Variants in FHIT observed in about 807,000 individuals in gnomAD.
The protein encoded by FHIT is bis(5'-adenosyl)-triphosphatase.
FHIT carries 19 observed loss-of-function variants against 17.9 expected under a neutral mutation model. The ratio of observed to expected loss-of-function variants is 1.06; its 90% CI spans 0.74 to 1.56. The LOEUF is 1.56. FHIT is among the 40% of genes most tolerant of loss of function. The pLI is 0.00. For missense variants in FHIT, 248 were observed against 189.2 expected, an observed-to-expected ratio of 1.31 and a Z score of -1.82; for synonymous variants, 81 against 69.7, an observed-to-expected ratio of 1.16 and a Z score of -0.81.
At chr3:60,194,280 C>T (rs1050142892) in intron 5 of FHIT, among the ~76,000 whole-genome samples, 7 of 152,076 alleles carry the variant, frequency 4.6e-5, no homozygotes, top group Non-Finnish European at 1.0e-4. Context: ...AGAAATAAAG[C>T]TAAATACTTA....
At chr3:60,106,577 C>T (rs1355871794) in intron 5 of FHIT, among the ~76,000 whole-genome samples, 1 of 152,156 alleles carries the variant, frequency 6.6e-6, no homozygotes, top group Non-Finnish European at 1.5e-5. Context: ...CACTGGGGGT[C>T]TTTGATTGTA....
At chr3:60,065,251 G>A (rs1457869435) in intron 5 of FHIT, among the ~76,000 whole-genome samples, 1 of 152,170 alleles carries the variant, frequency 6.6e-6, no homozygotes, top group Non-Finnish European at 1.5e-5. Flanking sequence ...GAGCTAGAAT[G>A]CTTAGTACTT....
At chr3:60,817,404 G>A (rs932061543) in intron 4 of FHIT, among the ~76,000 whole-genome samples, 3 of 151,772 alleles carry the variant, frequency 2.0e-5, no homozygotes, top group Non-Finnish European at 4.4e-5. Context: ...ATTTCTGTGG[G>A]GCAGGTCTGC....
At chr3:60,737,739 G>C (rs1244729940) in intron 4 of FHIT, among the ~76,000 whole-genome samples, 1 of 152,146 alleles carries the variant, frequency 6.6e-6, no homozygotes, top group Non-Finnish European at 1.5e-5. Context: ...GGGGAGAAAA[G>C]TGAGCTGGCA....
chr3:59,870,315 G>A (rs1702860691), intron 8 of FHIT, among the ~76,000 whole-genome samples: 1 of 152,152 alleles, frequency 6.6e-6, no homozygotes, highest in Non-Finnish European at 1.5e-5. Flanking sequence ...GGAAACTGAA[G>A]CTTAAAGAAA....
intron 8 of FHIT, among the ~76,000 whole-genome samples, chr3:59,777,253 T>C (rs567204418): frequency 1.3e-5 from 2 of 152,282 alleles, no homozygotes; most frequent in South Asian, 4.2e-4. Flanking sequence ...TACTATCTCC[T>C]ATGACTCCCA....
chr3:60,695,773 T>A (rs553105174), intron 4 of FHIT, among the ~76,000 whole-genome samples: 2 of 152,218 alleles, frequency 1.3e-5, no homozygotes, highest in African/African-American at 4.8e-5. Flanking sequence ...AGCTGTAATC[T>A]TGAGCAACGT....
chr3:60,299,724 C>T (rs376515585), intron 5 of FHIT, among the ~76,000 whole-genome samples: 2 of 152,046 alleles, frequency 1.3e-5, no homozygotes, highest in African/African-American at 4.8e-5. Flanking sequence ...AGAATTCTGG[C>T]TCTCTACTTG....
At chr3:61,187,346 C>T (rs1444689715) in intron 2 of FHIT, among the ~76,000 whole-genome samples, 3 of 151,952 alleles carry the variant, frequency 2.0e-5, no homozygotes, top group Non-Finnish European at 2.9e-5. Context: ...GCCATTACAC[C>T]ATGGTAAAGG....
chr3:60,754,786 C>T (rs2042540843), intron 4 of FHIT, among the ~76,000 whole-genome samples: 1 of 152,162 alleles, frequency 6.6e-6, no homozygotes, highest in African/African-American at 2.4e-5. Context: ...CATAGGCACA[C>T]ACACAATTTT....
chr3:60,328,774 G>C (rs552176340), intron 5 of FHIT, among the ~76,000 whole-genome samples: 1 of 152,290 alleles, frequency 6.6e-6, no homozygotes, highest in Non-Finnish European at 1.5e-5. Flanking sequence ...AGCCAAAAAT[G>C]TGTCTTGATT....
At chr3:60,231,865 A>C (rs1032194423) in intron 5 of FHIT, among the ~76,000 whole-genome samples, 3 of 152,162 alleles carry the variant, frequency 2.0e-5, no homozygotes, top group African/African-American at 4.8e-5. Flanking sequence ...ATTTGACTTT[A>C]AGTTAGGGAG....
chr3:60,825,562 G>A (rs1702081461), intron 3 of FHIT, among the ~76,000 whole-genome samples: 1 of 137,588 alleles, frequency 7.3e-6, no homozygotes, highest in Non-Finnish European at 1.7e-5. Flanking sequence ...GTGGGCAAGC[G>A]AGCATTACCG....
chr3:60,295,689 G>C (rs984307490), intron 5 of FHIT, among the ~76,000 whole-genome samples: 3 of 152,102 alleles, frequency 2.0e-5, no homozygotes, highest in Admixed American at 2.0e-4. Flanking sequence ...TAGGTTGTAA[G>C]GCAGTTATAT....
chr3:60,637,290 C>T (rs2039612522), intron 4 of FHIT, among the ~76,000 whole-genome samples: 1 of 152,112 alleles, frequency 6.6e-6, no homozygotes, highest in Non-Finnish European at 1.5e-5. Flanking sequence ...TAGAGAATTA[C>T]CTAAGTAAAT....
At chr3:59,994,085 A>G (rs111264253) in intron 7 of FHIT, among the ~76,000 whole-genome samples, 177 of 152,178 alleles carry the variant, frequency 1.2e-3, no homozygotes, top group African/African-American at 4.2e-3. Context: ...GAGATGTTAA[A>G]TAACTTGTCC....
chr3:60,927,591 C>T (rs913026415), intron 3 of FHIT, among the ~76,000 whole-genome samples: 22 of 151,148 alleles, frequency 1.5e-4, no homozygotes, highest in Admixed American at 7.9e-4. Context: ...CGCCTCTGCC[C>T]GGCCGCCCCG....
chr3:59,892,223 G>A (rs1703883139), intron 8 of FHIT, among the ~76,000 whole-genome samples: 1 of 152,182 alleles, frequency 6.6e-6, no homozygotes, highest in Non-Finnish European at 1.5e-5. Flanking sequence ...TAAAGTTTGA[G>A]CACAACAAAG....
intron 5 of FHIT, among the ~76,000 whole-genome samples, chr3:60,258,497 C>A (rs1041276228): frequency 6.6e-6 from 1 of 152,074 alleles, no homozygotes; most frequent in Non-Finnish European, 1.5e-5. Context: ...ATATGGCATC[C>A]CTTCTTTGAA....
Sources: gnomAD v4.1 joint callset for allele counts (sites outside exome capture counted in the v4.1 genomes callset) on GRCh38, gnomAD v4.1.1 for gene constraint, MANE v1.5 for transcripts, NCBI Gene and HGNC (gene_info 2026-07-23, HGNC 2026-07-21) for gene names.